Variants in PCCA observed in about 807,000 individuals in gnomAD.
The protein encoded by PCCA is propionyl-CoA carboxylase alpha chain, mitochondrial.
In PCCA, 74 loss-of-function variants were observed where a neutral mutation model predicts 101.3. The ratio of observed to expected loss-of-function variants is 0.73; its 90% CI spans 0.61 to 0.89. PCCA has a LOEUF of 0.89. Ranked by LOEUF, PCCA falls within the 40% of genes least tolerant of loss-of-function variation. The probability of loss-of-function intolerance (pLI) is 0.00; values close to 1 mark genes in which losing one functional copy is unlikely to be tolerated. For missense variants in PCCA, 891 were observed against 907.0 expected, an observed-to-expected ratio of 0.98 and a Z score of 0.23; for synonymous variants, 294 against 313.6, an observed-to-expected ratio of 0.94 and a Z score of 0.66.
At chr13:100,103,291 A>G (rs905445684) in intron 2 of PCCA, among the ~76,000 whole-genome samples, 2 of 151,318 alleles carry the variant, frequency 1.3e-5, no homozygotes, top group African/African-American at 4.9e-5. Flanking sequence ...TAAACTATTG[A>G]GTTTTTCTTT....
At chr13:100,225,243 T>C (rs1459972008) in intron 7 of PCCA, among the ~76,000 whole-genome samples, 1 of 152,232 alleles carries the variant, frequency 6.6e-6, no homozygotes, top group Non-Finnish European at 1.5e-5. Flanking sequence ...TTATGTGATC[T>C]GTTCAATGTC....
Position 100,441,088 on chromosome 13 carries a change from C to T in PCCA, c.1846-8164C>T, listed in dbSNP as rs534515913. Among the ~76,000 whole-genome samples the T allele has an allele frequency of 3.3e-5, 5 of 152,244 alleles. 1 individual carries two copies. Among genetic ancestry groups the T allele is most frequent in the African/African-American group, 1.2e-4 (5 of 41,558 alleles). On this transcript the variant is annotated intron_variant, in intron 20 of 23. Coordinates refer to ENST00000376285, the MANE Select transcript of PCCA (RefSeq NM_000282.4). ...TTCTGGGTTTTATAATTTGGAGTTG[C>T]TTTTAAAATTTAACCGAATGGGAAA...
chr13:100,362,459 T>G (rs1183955060), intron 18 of PCCA, among the ~76,000 whole-genome samples: 1 of 152,176 alleles, frequency 6.6e-6, no homozygotes, highest in Non-Finnish European at 1.5e-5. Flanking sequence ...GGCATTCTTA[T>G]TATCTTTGTC....
At chr13:100,162,007 A>G (rs1450666600) in intron 6 of PCCA, among the ~76,000 whole-genome samples, 3 of 152,030 alleles carry the variant, frequency 2.0e-5, no homozygotes, top group African/African-American at 7.2e-5. Flanking sequence ...TCCATCTTTG[A>G]ACCTTCGAAA....
intron 16 of PCCA, among the ~76,000 whole-genome samples, chr13:100,315,862 G>T (rs1210259553): frequency 6.6e-6 from 1 of 152,108 alleles, no homozygotes; most frequent in Non-Finnish European, 1.5e-5. Context: ...CCTTGAAGTT[G>T]TAAACTAACT....
At chr13:100,219,962 T>C (rs1343958008) in intron 7 of PCCA, among the ~76,000 whole-genome samples, 2 of 152,188 alleles carry the variant, frequency 1.3e-5, no homozygotes, top group East Asian at 3.9e-4. Flanking sequence ...AAATGTGTAA[T>C]ATGGAGTTAC....
Position 100,421,964 on chromosome 13 carries a change from C to T in PCCA, c.1747-3669C>T, listed in dbSNP as rs142864526. ...CCTCCCAAAGTGCTGGGATTACAGG[C>T]GTGAGCCACTGCACCCAACCCATGA... On this transcript the variant is annotated intron_variant, in intron 19 of 23. Coordinates refer to ENST00000376285, the MANE Select transcript of PCCA (RefSeq NM_000282.4). Among the ~76,000 whole-genome samples, 1,159 of 152,162 alleles carry T rather than the reference C, an allele frequency of 7.6e-3. 15 individuals carry two copies. The highest frequency in any genetic ancestry group is 0.026 in the African/African-American group (1,083 of 41,520).
At chr13:100,496,452 T>G (rs1357767391) in intron 21 of PCCA, among the ~76,000 whole-genome samples, 1 of 152,110 alleles carries the variant, frequency 6.6e-6, no homozygotes, top group Non-Finnish European at 1.5e-5. Flanking sequence ...ATTCATTTGG[T>G]GTTTCCTCAC....
At chr13:100,400,112 CAG>C (rs1436493173) in intron 19 of PCCA, among the ~76,000 whole-genome samples, 1 of 152,122 alleles carries the variant, frequency 6.6e-6, no homozygotes, top group Non-Finnish European at 1.5e-5. Flanking sequence ...GTGGGTGAAT[CAG>C]TGGGGATATG....
chr13:100,441,218 T>C (rs1210454004), intron 20 of PCCA, among the ~76,000 whole-genome samples: 2 of 152,164 alleles, frequency 1.3e-5, no homozygotes, highest in East Asian at 3.8e-4. Flanking sequence ...GGAAGAGAAT[T>C]TTGAGTAGTA....
chr13:100,473,177 C>T (rs774638731), intron 21 of PCCA: 2 of 152,172 alleles, frequency 1.3e-5, no homozygotes, highest in Non-Finnish European at 2.9e-5. Flanking sequence ...GTACCTGTGC[C>T]GCGCAGGGAC....
chr13:100,136,787 CTTCTT>C (rs1023555648), intron 4 of PCCA, among the ~76,000 whole-genome samples: 4 of 151,434 alleles, frequency 2.6e-5, no homozygotes, highest in African/African-American at 7.3e-5. Context: ...TCGTTTTTTT[CTTCTT>C]TTCTTAGTCT....
In PCCA at chr13:100,375,196, C is replaced by T. The variant is rs1018407996; in HGVS notation, c.1746+6622C>T. Among the ~76,000 whole-genome samples the T allele has an allele frequency of 3.3e-5, 5 of 152,194 alleles. No individual in the cohort carries two copies. The East Asian group carries it at 7.7e-4, about 24-fold the overall frequency. Reference sequence around the variant, plus strand: ...GCGGTTTCGAATGAGTTTCTTAATCCTGAGTTCTAATTTGATTGCATTGTG... The same window carrying T: ...GCGGTTTCGAATGAGTTTCTTAATCTTGAGTTCTAATTTGATTGCATTGTG... On this transcript the variant is annotated intron_variant, in intron 19 of 23. Coordinates refer to ENST00000376285, the MANE Select transcript of PCCA (RefSeq NM_000282.4).
chr13:100,285,790 A>G (rs560954231), intron 12 of PCCA, among the ~76,000 whole-genome samples: 1 of 152,312 alleles, frequency 6.6e-6, no homozygotes, highest in East Asian at 1.9e-4. Context: ...ATCTCGTAGA[A>G]GTCCCCTTAA....
intron 16 of PCCA, among the ~76,000 whole-genome samples, chr13:100,320,309 C>A (rs1447188040): frequency 6.6e-6 from 1 of 152,056 alleles, no homozygotes; most frequent in Non-Finnish European, 1.5e-5. Context: ...AATTGAATAC[C>A]CTTTATTTCT....
At chr13:100,431,183 C>T (rs1375567273) in intron 20 of PCCA, among the ~76,000 whole-genome samples, 2 of 152,072 alleles carry the variant, frequency 1.3e-5, no homozygotes, top group Admixed American at 6.6e-5. Flanking sequence ...ATGTATACTT[C>T]CCTGATTAGT....
chr13:100,452,907 A>G (rs2081437536), intron 21 of PCCA, among the ~76,000 whole-genome samples: 2 of 152,064 alleles, frequency 1.3e-5, no homozygotes, highest in Admixed American at 1.3e-4. Flanking sequence ...AAGAAAACTA[A>G]AGAAAGGAAA....
chr13:100,119,001 G>A (rs753439278), intron 4 of PCCA, among the ~76,000 whole-genome samples: 15 of 151,684 alleles, frequency 9.9e-5, no homozygotes, highest in Non-Finnish European at 2.9e-5. Context: ...AATTTTTGGG[G>A]TGAGTTTTTG....
chr13:100,406,181 ACTC>A (rs2077667177), intron 19 of PCCA, among the ~76,000 whole-genome samples: 1 of 152,052 alleles, frequency 6.6e-6, no homozygotes, highest in African/African-American at 2.4e-5. Flanking sequence ...GTCAAGATTC[ACTC>A]CTTTCACAGT....
Sources: allele counts gnomAD v4.1 joint callset (sites outside exome capture counted in the v4.1 genomes callset), GRCh38; gene constraint gnomAD v4.1.1; transcripts MANE v1.5; gene names NCBI Gene and HGNC (gene_info 2026-07-23, HGNC 2026-07-21).